Variants in CNOT1 observed in about 807,000 individuals in gnomAD.
CNOT1 encodes the protein CCR4-associated factor 1.
In CNOT1, 15 loss-of-function variants were observed where a neutral mutation model predicts 273.8. That is an observed-to-expected ratio of 0.05 (90% CI 0.04 to 0.08). CNOT1 has a LOEUF of 0.08. CNOT1 is among the 10% of genes least tolerant of loss of function. CNOT1 has a pLI of 1.00. For synonymous variants in CNOT1, 1,022 were observed against 1,005.5 expected, an observed-to-expected ratio of 1.02 and a Z score of -0.31; for missense variants, 1,644 against 2,912.2, an observed-to-expected ratio of 0.56 and a Z score of 10.02.
At chr16:58,537,402 C>A (rs571034607) in intron 38 of CNOT1, among the ~76,000 whole-genome samples, 182 bp from the exon 39 acceptor site, 16 of 152,294 alleles carry the variant, frequency 1.1e-4, no homozygotes, top group African/African-American at 3.8e-4. Flanking sequence ...GAGCATACAA[C>A]ACACAAACAA....
intron 2 of CNOT1, among the ~76,000 whole-genome samples, chr16:58,596,579 G>A (rs1167234266): frequency 6.6e-6 from 1 of 151,954 alleles, no homozygotes; most frequent in East Asian, 1.9e-4. Flanking sequence ...TGGGGGCAAA[G>A]GTATACATAC....
intron 1 of CNOT1, among the ~76,000 whole-genome samples, chr16:58,622,690 T>C (rs963817884): frequency 1.3e-5 from 2 of 149,200 alleles, no homozygotes; most frequent in African/African-American, 4.9e-5. Flanking sequence ...CTACTAAAAA[T>C]ACAAAAATTA....
chr16:58,584,770 A>C (rs572931648), intron 8 of CNOT1, among the ~76,000 whole-genome samples: 29 of 152,358 alleles, frequency 1.9e-4, no homozygotes, highest in South Asian at 8.3e-4. Flanking sequence ...TTAAAACATA[A>C]GGATTTTTAA....
chr16:58,540,122 G>C (rs2040044632), intron 34 of CNOT1, 163 bp from the exon 35 acceptor site: 1 of 656,378 alleles, frequency 1.5e-6, no homozygotes, highest in East Asian at 2.8e-5. Flanking sequence ...GAGCTATTCA[G>C]AATTAATACC....
At chr16:58,564,455 A>T in intron 16 of CNOT1, among the ~76,000 whole-genome samples, 1 of 152,184 alleles carries the variant, frequency 6.6e-6, no homozygotes, top group East Asian at 1.9e-4. Context: ...AATGCCTTCA[A>T]TTGTGTAAGC....
intron 1 of CNOT1, among the ~76,000 whole-genome samples, chr16:58,628,907 T>C (rs904992102): frequency 1.3e-5 from 2 of 152,210 alleles, no homozygotes; most frequent in South Asian, 2.1e-4. Flanking sequence ...GTATTATTTG[T>C]GTTTGGCCTT....
intron 13 of CNOT1, among the ~76,000 whole-genome samples, chr16:58,577,793 T>C (rs1040564304): frequency 1.3e-5 from 2 of 151,340 alleles, no homozygotes; most frequent in Non-Finnish European, 2.9e-5. Flanking sequence ...TGAGACATGT[T>C]TGCATCACTG....
In CNOT1 at chr16:58,610,998, C is replaced by T. The variant is rs989145883; in HGVS notation, c.-174-11487G>A. On this transcript the variant is annotated intron_variant, in intron 1 of 48. Coordinates refer to ENST00000317147, the MANE Select transcript of CNOT1 (RefSeq NM_016284.5). ...GTTGCAGTGAGCCGAGAGCACACCA[C>T]TGCGCTCCAGCCTGGGTGACAGAGC... 1.1e-3 allele frequency among the ~76,000 whole-genome samples: 162 copies of T among 152,044 alleles called. 1 individual carries two copies. Among genetic ancestry groups the T allele is most frequent in the Non-Finnish European group, 5.9e-4 (40 of 68,010 alleles).
At chr16:58,551,358 T>TA in intron 23 of CNOT1, 86 bp from the exon 24 acceptor site, 7 of 1,369,358 alleles carry the variant, frequency 5.1e-6, no homozygotes, top group Middle Eastern at 2.3e-4. Context: ...GATTTAGTGT[T>TA]AAAAAATACA....
At chr16:58,524,802 A>G (rs1360058203) in intron 46 of CNOT1, among the ~76,000 whole-genome samples, 1 of 152,200 alleles carries the variant, frequency 6.6e-6, no homozygotes, top group African/African-American at 2.4e-5. Flanking sequence ...ATCTTTATAC[A>G]TGAACATTTA....
chr16:58,551,087 T>C (rs2040435661), intron 24 of CNOT1, 45 bp downstream of exon 24: 2 of 1,598,452 alleles, frequency 1.3e-6, no homozygotes, highest in Non-Finnish European at 1.7e-6. Flanking sequence ...CTTTAGTCCA[T>C]TAAGGAAAAA....
intron 10 of CNOT1, among the ~76,000 whole-genome samples, chr16:58,582,552 G>C (rs1355142144): frequency 6.6e-6 from 1 of 152,172 alleles, no homozygotes; most frequent in Non-Finnish European, 1.5e-5. Flanking sequence ...AGATAATTAT[G>C]ATTTTCACTG....
chr16:58,561,899 G>GT (rs927380475), intron 16 of CNOT1, among the ~76,000 whole-genome samples: 1 of 152,206 alleles, frequency 6.6e-6, no homozygotes, highest in African/African-American at 2.4e-5. Context: ...CTCGGGCCGG[G>GT]TGCGGTGGCT....
At position 58,536,522 on chromosome 16, in the gene CNOT1, G is replaced by C. The variant is rs147150290; in HGVS notation, c.5646+467C>G. On this transcript the variant is annotated intron_variant, in intron 39 of 48. Coordinates refer to ENST00000317147, the MANE Select transcript of CNOT1 (RefSeq NM_016284.5). ...TGCATCAAATCTAATGAAAATACTG[G>C]GAAGTATTTTCCAAAGGAACATGTC... 4.0e-3 allele frequency among the ~76,000 whole-genome samples: 602 copies of C among 152,000 alleles called. 7 individuals carry two copies. Among genetic ancestry groups the C allele is most frequent in the East Asian group, 0.012 (60 of 5,158 alleles).
At chr16:58,556,183 C>T (rs1192772103) in intron 19 of CNOT1, among the ~76,000 whole-genome samples, 1 of 152,162 alleles carries the variant, frequency 6.6e-6, no homozygotes, top group Non-Finnish European at 1.5e-5. Context: ...AACGCACTTA[C>T]CCTTAATACA....
intron 1 of CNOT1, among the ~76,000 whole-genome samples, chr16:58,619,112 GA>G (rs2043206016): frequency 6.6e-6 from 1 of 151,960 alleles, no homozygotes; most frequent in Admixed American, 6.6e-5. Flanking sequence ...GAGGTGGGAG[GA>G]TGGCTTGAAC....
intron 16 of CNOT1, 130 bp downstream of exon 16, chr16:58,574,479 G>A (rs1449934558): frequency 2.4e-6 from 2 of 826,958 alleles, no homozygotes; most frequent in African/African-American, 3.6e-5. Context: ...AATAGTATAG[G>A]ACTTTGGACT....
chr16:58,577,949 T>C (rs2151969581), intron 13 of CNOT1, among the ~76,000 whole-genome samples: 1 of 152,176 alleles, frequency 6.6e-6, no homozygotes, highest in South Asian at 2.1e-4. Flanking sequence ...CACAGGGGCT[T>C]GAAAGGCATT....
At chr16:58,534,444 T>C (rs138843075) in intron 39 of CNOT1, 49 bp from the exon 40 acceptor site, 6 of 1,589,220 alleles carry the variant, frequency 3.8e-6, no homozygotes, top group East Asian at 4.5e-5. Flanking sequence ...CACACACAAA[T>C]AAACTTCATA....
Sources: gnomAD v4.1 joint callset for allele counts (sites outside exome capture counted in the v4.1 genomes callset) on GRCh38, gnomAD v4.1.1 for gene constraint, MANE v1.5 for transcripts, NCBI Gene and HGNC (gene_info 2026-07-23, HGNC 2026-07-21) for gene names.